The following RANBP2 variants were observed in gnomAD, a reference collection of about 807,000 sequenced individuals.
RANBP2 encodes the protein E3 SUMO-protein ligase RanBP2.
RANBP2 carries 57 observed loss-of-function variants against 303.6 expected under a neutral mutation model. That is an observed-to-expected ratio of 0.19 (90% CI 0.15 to 0.23). The LOEUF (loss-of-function observed/expected upper bound fraction) is 0.23. Ranked by LOEUF, RANBP2 falls within the 10% of genes least tolerant of loss-of-function variation. The pLI is 1.00. For missense variants in RANBP2, 3,138 were observed against 3,780.8 expected, an observed-to-expected ratio of 0.83 and a Z score of 4.46; for synonymous variants, 1,167 against 1,301.5, an observed-to-expected ratio of 0.90 and a Z score of 2.23.
chr2:109,002,688 G>C, the RANBP2 span, among the ~76,000 whole-genome samples: 1 of 152,174 alleles, frequency 6.6e-6, no homozygotes, highest in African/African-American at 2.4e-5. Context: ...GCACTGATCA[G>C]GTTCTAAAGC....
the RANBP2 span, among the ~76,000 whole-genome samples, chr2:108,850,309 AG>A: frequency 6.6e-6 from 1 of 152,230 alleles, no homozygotes; most frequent in East Asian, 1.9e-4. Context: ...GTTGGGTAAT[AG>A]GCAGATGCAT....
the RANBP2 span, among the ~76,000 whole-genome samples, chr2:108,853,312 T>C: frequency 6.6e-6 from 1 of 152,148 alleles, no homozygotes; most frequent in Admixed American, 6.5e-5. Context: ...TCTAATATAA[T>C]TGACCCAGAT....
chr2:109,204,907 C>T, the RANBP2 span, among the ~76,000 whole-genome samples: 1 of 152,138 alleles, frequency 6.6e-6, no homozygotes, highest in Non-Finnish European at 1.5e-5. Flanking sequence ...AGAAGTCTGC[C>T]TTTTAAAGTA....
At chr2:109,624,637 A>G in the RANBP2 span, among the ~76,000 whole-genome samples, 1 of 152,194 alleles carries the variant, frequency 6.6e-6, no homozygotes, top group African/African-American at 2.4e-5. Context: ...ACAGAAAGGG[A>G]GTCATTAGTG....
the RANBP2 span, among the ~76,000 whole-genome samples, chr2:108,920,354 TCCTCTCTGTTACGGCAGGG>T: frequency 6.6e-6 from 1 of 152,140 alleles, no homozygotes; most frequent in Non-Finnish European, 1.5e-5. Context: ...GACCCTATCT[TCCTCTCTGTTACGGCAGGG>T]CAACGGGTTG....
the RANBP2 span, among the ~76,000 whole-genome samples, chr2:109,041,035 G>A: frequency 5.8e-3 from 880 of 152,058 alleles, 12 homozygotes; most frequent in African/African-American, 0.02. Context: ...CAGCCTGGGC[G>A]ACAGAGCTAG....
chr2:109,464,490 A>G, the RANBP2 span, among the ~76,000 whole-genome samples: 1 of 152,248 alleles, frequency 6.6e-6, no homozygotes, highest in Admixed American at 6.5e-5. Context: ...ACACATATAC[A>G]GATGCATACA....
the RANBP2 span, among the ~76,000 whole-genome samples, chr2:108,873,191 A>G: frequency 6.6e-6 from 1 of 152,194 alleles, no homozygotes; most frequent in Non-Finnish European, 1.5e-5. Context: ...CTTTCTTTCA[A>G]ACATGGGATT....
At chr2:109,496,390 G>C in the RANBP2 span, among the ~76,000 whole-genome samples, 1 of 152,208 alleles carries the variant, frequency 6.6e-6, no homozygotes, top group Non-Finnish European at 1.5e-5. Context: ...CTGCAGTGCT[G>C]ATTGGTGCAT....
At chr2:108,991,233 T>C in the RANBP2 span, among the ~76,000 whole-genome samples, 1 of 152,022 alleles carries the variant, frequency 6.6e-6, no homozygotes, top group Non-Finnish European at 1.5e-5. Flanking sequence ...CAAATGAAAA[T>C]GAGTATATAA....
At chr2:109,113,699 C>T in the RANBP2 span, among the ~76,000 whole-genome samples, 1 of 152,226 alleles carries the variant, frequency 6.6e-6, no homozygotes, top group Admixed American at 6.5e-5. Context: ...GAGAGGGCAT[C>T]CCTGTCTTGT....
chr2:109,219,698 C>G, the RANBP2 span, among the ~76,000 whole-genome samples: 1 of 152,210 alleles, frequency 6.6e-6, no homozygotes, highest in South Asian at 2.1e-4. Flanking sequence ...GCAATCTCAT[C>G]AAAAAGAATA....
the RANBP2 span, among the ~76,000 whole-genome samples, chr2:109,514,354 G>A: frequency 6.6e-6 from 1 of 152,148 alleles, no homozygotes; most frequent in Non-Finnish European, 1.5e-5. Context: ...TTAGGAAAAC[G>A]CAGCCCCGGG....
At chr2:109,557,065 A>C in the RANBP2 span, among the ~76,000 whole-genome samples, 34 of 152,262 alleles carry the variant, frequency 2.2e-4, no homozygotes, top group African/African-American at 7.5e-4. Context: ...AGATATACCT[A>C]ATGTAAATGA....
At chr2:109,210,009 T>A in the RANBP2 span, among the ~76,000 whole-genome samples, 2 of 152,234 alleles carry the variant, frequency 1.3e-5, no homozygotes, top group African/African-American at 2.4e-5. Context: ...CTGTTATACT[T>A]TCTGTCTCTG....
the RANBP2 span, among the ~76,000 whole-genome samples, chr2:109,570,764 C>T: frequency 2.0e-5 from 3 of 152,102 alleles, no homozygotes; most frequent in Non-Finnish European, 4.4e-5. Flanking sequence ...CCTCGTGATC[C>T]ACCTGCCTTG....
rs1676952017 is a variant in RANBP2 at position 108,764,247 on chromosome 2, A to T, written c.3708A>T (p.Arg1236=). Residue 1236 remains arginine, a synonymous_variant, in exon 20 of 29, where the codon CGA becomes CGT. Transcript: ENST00000283195. The stretch of plus-strand genomic sequence containing the variant: ...GTAAAATTCGCCTTCTAATGAGACG[A>T]GAGCAAGTATTGAAAATCTGTGCAA... ...TSGKIRLLMR[R]EQVLKICANH... The T allele has an allele frequency of 1.2e-6, 2 of 1,613,996 alleles. No individual in the cohort carries two copies. The highest frequency in any genetic ancestry group is 2.7e-5 in the African/African-American group (2 of 74,940).
At chr2:109,702,514 T>C in the RANBP2 span, among the ~76,000 whole-genome samples, 30 of 152,324 alleles carry the variant, frequency 2.0e-4, no homozygotes, top group Middle Eastern at 3.4e-3. Flanking sequence ...GTGTTCCATG[T>C]CACCTGATTG....
the RANBP2 span, among the ~76,000 whole-genome samples, chr2:109,447,911 C>G: frequency 2.6e-5 from 4 of 152,188 alleles, no homozygotes; most frequent in African/African-American, 9.7e-5. Flanking sequence ...TTTTGTAAAC[C>G]TGGAAGCCCG....
Sources: allele counts gnomAD v4.1 joint callset (sites outside exome capture counted in the v4.1 genomes callset), GRCh38; gene constraint gnomAD v4.1.1; transcripts MANE v1.5; gene names NCBI Gene and HGNC (gene_info 2026-07-23, HGNC 2026-07-21).